Variants in KIAA0825 observed in about 807,000 individuals in gnomAD.
KIAA0825 encodes the protein KIAA0825.
In KIAA0825, 119 loss-of-function variants were observed where a neutral mutation model predicts 147.6. The ratio of observed to expected loss-of-function variants is 0.81; its 90% confidence interval spans 0.69 to 0.94. The LOEUF is 0.94. KIAA0825 is among the 40% of genes least tolerant of loss of function. KIAA0825 has a pLI of 0.00. For synonymous variants in KIAA0825, 470 were observed against 518.1 expected, an observed-to-expected ratio of 0.91 and a Z score of 1.26; for missense variants, 1,381 against 1,472.7, an observed-to-expected ratio of 0.94 and a Z score of 1.02.
At chr5:94,361,506 G>A (rs1432110213) in intron 20 of KIAA0825, among the ~76,000 whole-genome samples, 1 of 152,160 alleles carries the variant, frequency 6.6e-6, no homozygotes, top group African/African-American at 2.4e-5. Context: ...TTTTAAAGAA[G>A]TAAAATTATT....
At chr5:94,504,503 C>T (rs1020285796) in intron 5 of KIAA0825, among the ~76,000 whole-genome samples, 2 of 152,062 alleles carry the variant, frequency 1.3e-5, no homozygotes, top group Non-Finnish European at 2.9e-5. Flanking sequence ...TTATTTGTGT[C>T]CCAAGTGGCA....
At chr5:94,359,178 T>C (rs1562414232) in intron 20 of KIAA0825, among the ~76,000 whole-genome samples, 3 of 152,188 alleles carry the variant, frequency 2.0e-5, no homozygotes, top group African/African-American at 4.8e-5. Context: ...TTTAATCACA[T>C]TGGAAAATTT....
rs371283025 is a variant in KIAA0825 at position 94,524,069 on chromosome 5, G to A, written c.161C>T (p.Ser54Phe). Residue 54 changes from serine (S) to phenylalanine (F), a missense_variant, in exon 4 of 21, where the codon TCC becomes TTC. Coordinates refer to ENST00000682413, the MANE Select transcript of KIAA0825 (RefSeq NM_001145678.3). Reference protein sequence around the residue: ...SIKHCIKEIQSEINKQCPGVQ... With the variant: ...SIKHCIKEIQFEINKQCPGVQ... Reference sequence around the variant, plus strand: ...ACCTGGACATTGTTTGTTAATTTCGGACTGTATCTCTTTAATGCAATGTTT... The same window carrying A: ...ACCTGGACATTGTTTGTTAATTTCGAACTGTATCTCTTTAATGCAATGTTT... 2 of 1,608,466 alleles carry A rather than the reference G, an allele frequency of 1.2e-6. No homozygotes were observed. Among genetic ancestry groups the A allele is most frequent in the East Asian group, 4.5e-5 (2 of 44,708 alleles).
rs548494732 is a variant in KIAA0825 at position 94,211,765 on chromosome 5, C to T, written c.3711-57641G>A. Among the ~76,000 whole-genome samples, 14 of 152,246 alleles carry T rather than the reference C, an allele frequency of 9.2e-5. No individual in the cohort carries two copies. In the South Asian group the frequency reaches 2.9e-3, roughly 32 times the overall value. ...CCTGTTCCCTACTGGATGTTATCTG[C>T]ATCTGATCATATTGGATCCAAGTGA... On this transcript the variant is annotated intron_variant, in intron 20 of 20. Coordinates refer to ENST00000682413, the MANE Select transcript of KIAA0825 (RefSeq NM_001145678.3).
chr5:94,519,775 CT>C, intron 5 of KIAA0825: 1 of 826,226 alleles, frequency 1.2e-6, no homozygotes, highest in Non-Finnish European at 1.5e-6. Flanking sequence ...CCTAATAATG[CT>C]TTAGCTTTGG....
intron 18 of KIAA0825, 145 bp downstream of exon 18, chr5:94,391,390 A>G: frequency 2.7e-6 from 2 of 740,862 alleles, no homozygotes; most frequent in Non-Finnish European, 4.4e-6. Flanking sequence ...GCCGGGGCTG[A>G]ATAGATTCTA....
At chr5:94,425,890 T>C (rs1211352853) in intron 14 of KIAA0825, among the ~76,000 whole-genome samples, 1 of 152,124 alleles carries the variant, frequency 6.6e-6, no homozygotes, top group Non-Finnish European at 1.5e-5. Flanking sequence ...CATATGTTGA[T>C]CATTTGTATG....
At chr5:94,334,994 CA>C (rs1781661833) in intron 20 of KIAA0825, among the ~76,000 whole-genome samples, 1 of 152,166 alleles carries the variant, frequency 6.6e-6, no homozygotes, top group African/African-American at 2.4e-5. Flanking sequence ...GGGACTTACA[CA>C]GATATTAAAC....
At chr5:94,595,486 C>T (rs1265685166) in intron 1 of KIAA0825, among the ~76,000 whole-genome samples, 1 of 152,184 alleles carries the variant, frequency 6.6e-6, no homozygotes, top group Non-Finnish European at 1.5e-5. Context: ...GGGCCAAGCC[C>T]ACGAAACCAT....
chr5:94,159,712 G>A (rs1247581976), intron 20 of KIAA0825, among the ~76,000 whole-genome samples: 2 of 151,984 alleles, frequency 1.3e-5, no homozygotes, highest in Non-Finnish European at 2.9e-5. Context: ...GGCCAAGGTT[G>A]TTTTTGTTTT....
chr5:94,359,852 A>C (rs1233317732), intron 20 of KIAA0825, among the ~76,000 whole-genome samples: 1 of 152,178 alleles, frequency 6.6e-6, no homozygotes, highest in Admixed American at 6.5e-5. Flanking sequence ...CCATATACTA[A>C]TGGTGGGATT....
intron 20 of KIAA0825, among the ~76,000 whole-genome samples, chr5:94,321,657 TTA>T (rs1451092794): frequency 9.2e-5 from 14 of 152,068 alleles, no homozygotes; most frequent in Middle Eastern, 3.4e-3. Context: ...ATGCAACAGA[TTA>T]TCATTGATGG....
chr5:94,156,698 AAAGTT>A (rs1767057491), intron 20 of KIAA0825, among the ~76,000 whole-genome samples: 1 of 152,174 alleles, frequency 6.6e-6, no homozygotes, highest in African/African-American at 2.4e-5. Flanking sequence ...GATATTAGGT[AAAGTT>A]ATTTACCTAC....
chr5:94,520,208 A>T, intron 5 of KIAA0825, 40 bp downstream of exon 5: 1 of 1,515,408 alleles, frequency 6.6e-7, no homozygotes, highest in Middle Eastern at 1.8e-4. Flanking sequence ...ATATTAAAAG[A>T]CTTAAGTTAA....
At chr5:94,307,504 C>T (rs1778820988) in intron 20 of KIAA0825, among the ~76,000 whole-genome samples, 1 of 151,754 alleles carries the variant, frequency 6.6e-6, no homozygotes, top group Non-Finnish European at 1.5e-5. Flanking sequence ...GACCTGGTTC[C>T]AATCTATCTT....
intron 1 of KIAA0825, among the ~76,000 whole-genome samples, chr5:94,609,259 C>T (rs1394673284): frequency 6.6e-6 from 1 of 152,168 alleles, no homozygotes; most frequent in Non-Finnish European, 1.5e-5. Context: ...AGGAGCAGAT[C>T]TGAAATTCAG....
intron 18 of KIAA0825, among the ~76,000 whole-genome samples, chr5:94,387,784 G>T (rs952870599): frequency 6.6e-6 from 1 of 152,098 alleles, no homozygotes; most frequent in Non-Finnish European, 1.5e-5. Flanking sequence ...GGTGCTGAAA[G>T]GTCAGAGGAC....
intron 2 of KIAA0825, among the ~76,000 whole-genome samples, chr5:94,550,814 C>T (rs1775388077): frequency 6.6e-6 from 1 of 150,804 alleles, no homozygotes; most frequent in Non-Finnish European, 1.5e-5. Flanking sequence ...TGCACTCCAG[C>T]CTGGGCGACA....
At chr5:94,200,116 C>G (rs1176157169) in intron 20 of KIAA0825, among the ~76,000 whole-genome samples, 3 of 152,172 alleles carry the variant, frequency 2.0e-5, no homozygotes, top group African/African-American at 7.2e-5. Flanking sequence ...TGTCCCCACG[C>G]CAAACCTTGT....
Sources: allele counts gnomAD v4.1 joint callset (sites outside exome capture counted in the v4.1 genomes callset), GRCh38; gene constraint gnomAD v4.1.1; transcripts MANE v1.5; gene names NCBI Gene and HGNC (gene_info 2026-07-23, HGNC 2026-07-21).